Variants in TGFBI observed in about 807,000 individuals in gnomAD.
The protein encoded by TGFBI is transforming growth factor-beta-induced protein ig-h3.
TGFBI carries 50 observed loss-of-function variants against 73.7 expected under a neutral mutation model. That is an observed-to-expected ratio of 0.68 (90% CI 0.54 to 0.86). The LOEUF is 0.86. Among genes scored for constraint, TGFBI ranks in the 40% least tolerant of loss-of-function variants. The pLI is 0.00. For synonymous variants in TGFBI, 362 were observed against 360.5 expected, an observed-to-expected ratio of 1.00 and a Z score of -0.05; for missense variants, 839 against 877.0, an observed-to-expected ratio of 0.96 and a Z score of 0.55.
At chr5:136,029,366 G>C (rs1015235429) in intron 1 of TGFBI, among the ~76,000 whole-genome samples, 177 bp downstream of exon 1, 4 of 152,210 alleles carry the variant, frequency 2.6e-5, no homozygotes, top group Non-Finnish European at 5.9e-5. Context: ...AGAGAGGGAG[G>C]GAGGTGGAGG....
rs925203305 is a variant in TGFBI, at chr5:136,041,451, A to T, written c.234-2607A>T. On this transcript the variant is annotated intron_variant, in intron 2 of 16. Coordinates refer to ENST00000442011, the MANE Select transcript of TGFBI (RefSeq NM_000358.3). ...TGAGTGCTGACAAGGGCTAGCCTTG[A>T]TCACTTTGGAGACACCCCCTGTGTC... Among the ~76,000 whole-genome samples the T allele has an allele frequency of 1.2e-4, 18 of 152,216 alleles. 2 individuals carry two copies. Among genetic ancestry groups the T allele is most frequent in the Admixed American group, 1.0e-3 (16 of 15,284 alleles).
intron 13 of TGFBI, 82 bp downstream of exon 13, chr5:136,059,296 A>C: frequency 3.9e-6 from 6 of 1,544,074 alleles, no homozygotes; most frequent in Non-Finnish European, 5.3e-6. Context: ...GGATGGAATT[A>C]TACACACACA....
In TGFBI at chr5:136,046,392, A is replaced by G. The variant is rs1751426664; in HGVS notation, c.356A>G (p.Gln119Arg). The change falls in exon 4 of 17, where the codon CAG (glutamine) becomes CGG (arginine). Residue 119 changes from glutamine (Q) to arginine (R), a missense_variant. Physicochemically the swap from Gln to Arg is conservative, Grantham distance 43. Coordinates refer to ENST00000442011, the MANE Select transcript of TGFBI (RefSeq NM_000358.3). The part of the protein sequence containing the change: ...TLGVVGSTTT[Q>R]LYTDRTEKLR... ...GGAGTCGTTGGATCCACCACCACTC[A>G]GCTGTACACGGACCGCACGGAGAAG... is the stretch of plus-strand genomic sequence containing the variant. 6.2e-7 allele frequency: 1 copy of G among 1,613,952 alleles called. No individual in the cohort carries two copies. Among genetic ancestry groups the G allele is most frequent in the Non-Finnish European group, 8.5e-7 (1 of 1,179,868 alleles).
At chr5:136,047,484 C>A in intron 6 of TGFBI, 64 bp downstream of exon 6, 5 of 1,594,802 alleles carry the variant, frequency 3.1e-6, no homozygotes, top group Non-Finnish European at 3.4e-6. Context: ...AGGGGCCTAG[C>A]AGGAACTCTT....
chr5:136,032,698 C>A (rs1369067547), intron 1 of TGFBI, among the ~76,000 whole-genome samples: 1 of 152,162 alleles, frequency 6.6e-6, no homozygotes, highest in East Asian at 1.9e-4. Flanking sequence ...CAGTCAGATG[C>A]ATGCCTGCCT....
At chr5:136,058,034 G>C (rs1352085990) in intron 12 of TGFBI, among the ~76,000 whole-genome samples, 1 of 152,106 alleles carries the variant, frequency 6.6e-6, no homozygotes, top group Admixed American at 6.5e-5. Flanking sequence ...GGCACCCCTG[G>C]GGGACAGAGA....
chr5:136,049,601 G>T (rs1159208545), intron 7 of TGFBI, 21 bp downstream of exon 7: 7 of 1,607,968 alleles, frequency 4.4e-6, no homozygotes, highest in Non-Finnish European at 5.9e-6. Context: ...TTTGGCTCCT[G>T]CTGCTGCCTC....
At chr5:136,062,149 C>T (rs946425558) in intron 15 of TGFBI, among the ~76,000 whole-genome samples, 1 of 152,158 alleles carries the variant, frequency 6.6e-6, no homozygotes, top group African/African-American at 2.4e-5. Context: ...GCCCAGTGCT[C>T]AGTGCCCCAC....
intron 2 of TGFBI, 58 bp from the exon 3 acceptor site, chr5:136,044,000 T>C (rs1751382977): frequency 6.8e-7 from 1 of 1,474,934 alleles, no homozygotes. Context: ...AGGGGCCAGA[T>C]GACCTGTGAG....
At chr5:136,045,103 T>G (rs1368645169) in intron 3 of TGFBI, among the ~76,000 whole-genome samples, 1 of 152,198 alleles carries the variant, frequency 6.6e-6, no homozygotes, top group Non-Finnish European at 1.5e-5. Context: ...GGCTATTTTT[T>G]TAGTTAAGAA....
chr5:136,054,187 A>G (rs1751585985), intron 9 of TGFBI, 107 bp downstream of exon 9: 1 of 1,439,556 alleles, frequency 6.9e-7, no homozygotes, highest in African/African-American at 1.4e-5. Flanking sequence ...GGACATTAGA[A>G]CTTCCACTCA....
At chr5:136,053,195 G>C (rs185801705) in intron 8 of TGFBI, 76 bp downstream of exon 8, 39 of 1,417,036 alleles carry the variant, frequency 2.8e-5, no homozygotes, top group Non-Finnish European at 3.5e-5. Context: ...CGGGGGAGGG[G>C]AAATTCAGAG....
intron 6 of TGFBI, 155 bp from the exon 7 acceptor site, chr5:136,049,284 T>C (rs543142863): frequency 2.0e-6 from 2 of 1,005,628 alleles, no homozygotes; most frequent in African/African-American, 1.6e-5. Context: ...CTGGGGGCCA[T>C]GGTCATGGGT....
chr5:136,045,569 A>AAT (rs998163544), intron 3 of TGFBI, among the ~76,000 whole-genome samples: 1 of 152,024 alleles, frequency 6.6e-6, no homozygotes, highest in African/African-American at 2.4e-5. Context: ...TAAATAAATA[A>AAT]ATAAATCATG....
At chr5:136,032,420 ACT>A (rs1751137455) in intron 1 of TGFBI, among the ~76,000 whole-genome samples, 1 of 152,208 alleles carries the variant, frequency 6.6e-6, no homozygotes, top group African/African-American at 2.4e-5. Flanking sequence ...CAAAAGCCTG[ACT>A]CTGAATATTT....
At position 136,039,470 on chromosome 5, in the gene TGFBI, C is replaced by T. The variant is rs1250114801; in HGVS notation, c.234-4588C>T. Among the ~76,000 whole-genome samples, 3 of 152,172 alleles carry T rather than the reference C, an allele frequency of 2.0e-5. No individual in the cohort carries two copies. In the East Asian group the frequency reaches 5.8e-4, roughly 29 times the overall value. On this transcript the variant is annotated intron_variant, in intron 2 of 16. Transcript: ENST00000442011. ...TGCCCCAGGTCTCTGTCTACAGCCT[C>T]AAACCTGTGGCTGTGGGTCCCAGAG...
intron 7 of TGFBI, among the ~76,000 whole-genome samples, chr5:136,050,098 C>T (rs1334464467): frequency 6.6e-6 from 1 of 152,164 alleles, no homozygotes; most frequent in African/African-American, 2.4e-5. Context: ...TTTGGGAGGA[C>T]AAGGTGGGCG....
At chr5:136,044,732 C>A (rs1206317199) in intron 3 of TGFBI, 1 of 152,552 alleles carries the variant, frequency 6.6e-6, no homozygotes, top group Non-Finnish European at 1.5e-5. Flanking sequence ...TAGTGCTACA[C>A]ACAAGTGACT....
rs758276131 is a variant in TGFBI, at chr5:136,061,588, C to T, written c.1986+9C>T. ...CATCAGCGTTTTCCAGGGTAAGATG[C>T]CTGCTAGGTTTGCGCCTAGCCTGAG... is the stretch of plus-strand genomic sequence containing the variant. On this transcript the variant is annotated intron_variant, in intron 15 of 16. Transcript: ENST00000442011. The T allele has an allele frequency of 3.1e-6, 5 of 1,612,478 alleles. No homozygotes were observed. The highest frequency in any genetic ancestry group is 4.2e-6 in the Non-Finnish European group (5 of 1,178,950).
Sources: gnomAD v4.1 joint callset for allele counts (sites outside exome capture counted in the v4.1 genomes callset) on GRCh38, gnomAD v4.1.1 for gene constraint, MANE v1.5 for transcripts, NCBI Gene and HGNC (gene_info 2026-07-23, HGNC 2026-07-21) for gene names.